Variants in DPP10 observed in about 807,000 individuals in gnomAD.
The protein encoded by DPP10 is inactive dipeptidyl peptidase 10.
In DPP10, 33 loss-of-function variants were observed where a neutral mutation model predicts 120.9. The ratio of observed to expected loss-of-function variants is 0.27; its 90% CI spans 0.21 to 0.37. The LOEUF (loss-of-function observed/expected upper bound fraction) is 0.37, where lower values mean the gene tolerates loss of function less well. DPP10 is among the 10% of genes least tolerant of loss of function. The pLI is 1.00. For synonymous variants in DPP10, 337 were observed against 326.1 expected (o/e 1.03, Z -0.36); for missense variants, 816 against 942.8 (o/e 0.87, Z 1.76).
At chr2:115,207,277 AT>A (rs940459652) in intron 1 of DPP10, among the ~76,000 whole-genome samples, 1 of 152,022 alleles carries the variant, frequency 6.6e-6, no homozygotes, top group Non-Finnish European at 1.5e-5. Flanking sequence ...ACAGAAGAGT[AT>A]TTGTTTTCCT....
chr2:115,763,833 A>G (rs10496504), intron 12 of DPP10, among the ~76,000 whole-genome samples: 40,782 of 152,086 alleles, frequency 0.27, 5,783 homozygotes, highest in Middle Eastern at 0.44. Context: ...TAAAAGGTCC[A>G]CAAGGGATTA....
intron 1 of DPP10, among the ~76,000 whole-genome samples, chr2:114,686,187 A>C (rs1029023798): frequency 6.6e-6 from 1 of 151,904 alleles, no homozygotes; most frequent in African/African-American, 2.4e-5. Flanking sequence ...TGAATTTCCA[A>C]TCCCAGTTCT....
At chr2:115,791,241 C>G in intron 18 of DPP10, 46 bp from the exon 19 acceptor site, 1 of 1,603,494 alleles carries the variant, frequency 6.2e-7, no homozygotes, top group South Asian at 1.1e-5. Context: ...ATAGTTTTAC[C>G]TGCAAATGAC....
At chr2:115,175,206 A>C (rs1033993608) in intron 1 of DPP10, among the ~76,000 whole-genome samples, 7 of 152,184 alleles carry the variant, frequency 4.6e-5, no homozygotes, top group African/African-American at 1.7e-4. Flanking sequence ...GCTCTGAAAA[A>C]TAGCTCTTCT....
At chr2:115,601,728 C>A (rs2083330944) in intron 5 of DPP10, among the ~76,000 whole-genome samples, 1 of 152,096 alleles carries the variant, frequency 6.6e-6, no homozygotes, top group South Asian at 2.1e-4. Flanking sequence ...GGCTGGAGTG[C>A]AGTGGCACGA....
At chr2:115,029,142 C>CT (rs1195168258) in intron 1 of DPP10, among the ~76,000 whole-genome samples, 1 of 151,642 alleles carries the variant, frequency 6.6e-6, no homozygotes, top group Non-Finnish European at 1.5e-5. Flanking sequence ...TCTTTTCTTC[C>CT]TTTTTTTACG....
chr2:115,369,227 A>G (rs1384509264), intron 3 of DPP10, among the ~76,000 whole-genome samples: 1 of 152,102 alleles, frequency 6.6e-6, no homozygotes, highest in Non-Finnish European at 1.5e-5. Context: ...AAATAAATCA[A>G]TAACACACAC....
chr2:115,700,403 C>G (rs2091835081), intron 7 of DPP10, among the ~76,000 whole-genome samples: 1 of 151,066 alleles, frequency 6.6e-6, no homozygotes. Context: ...TAAAAAAAAA[C>G]AACAAACTAG....
At chr2:114,450,518 A>G (rs959381343) in intron 1 of DPP10, among the ~76,000 whole-genome samples, 5 of 152,148 alleles carry the variant, frequency 3.3e-5, no homozygotes, top group Non-Finnish European at 7.4e-5. Context: ...AAAGAACAAA[A>G]AGAACAAAGA....
chr2:114,604,335 T>G (rs1482682582), intron 1 of DPP10, among the ~76,000 whole-genome samples: 3 of 152,060 alleles, frequency 2.0e-5, no homozygotes, highest in Non-Finnish European at 4.4e-5. Context: ...GATAGCAGTC[T>G]CAGGCCTTCT....
chr2:115,075,463 G>A (rs1707711159), intron 1 of DPP10, among the ~76,000 whole-genome samples: 1 of 152,168 alleles, frequency 6.6e-6, no homozygotes, highest in Non-Finnish European at 1.5e-5. Context: ...GGCCATGTCA[G>A]TTTCAAACCC....
intron 1 of DPP10, among the ~76,000 whole-genome samples, chr2:114,453,821 T>A (rs1336148687): frequency 6.6e-6 from 1 of 152,248 alleles, no homozygotes; most frequent in African/African-American, 2.4e-5. Context: ...GCCTTTTAAA[T>A]TGTGTGTTCT....
intron 1 of DPP10, among the ~76,000 whole-genome samples, chr2:114,843,746 G>T (rs2106458948): frequency 6.6e-6 from 1 of 152,036 alleles, no homozygotes; most frequent in South Asian, 2.1e-4. Flanking sequence ...AATCCCTTCT[G>T]CCTCCTCAAT....
chr2:114,932,156 A>G (rs1454940921), intron 1 of DPP10, among the ~76,000 whole-genome samples: 1 of 152,244 alleles, frequency 6.6e-6, no homozygotes, highest in Non-Finnish European at 1.5e-5. Flanking sequence ...GACCTACTGA[A>G]TTAGAAACTA....
intron 5 of DPP10, among the ~76,000 whole-genome samples, chr2:115,614,445 G>A (rs998651625): frequency 1.3e-5 from 2 of 151,884 alleles, no homozygotes; most frequent in Admixed American, 1.3e-4. Flanking sequence ...TTGGTTTTTG[G>A]GACTGAGTCT....
chr2:114,480,358 A>G (rs560815308), intron 1 of DPP10, among the ~76,000 whole-genome samples: 1 of 152,108 alleles, frequency 6.6e-6, no homozygotes, highest in South Asian at 2.1e-4. Context: ...GTTACTGGGT[A>G]TATACCCAAA....
intron 1 of DPP10, among the ~76,000 whole-genome samples, chr2:114,573,742 G>A (rs1311907161): frequency 6.6e-6 from 1 of 152,168 alleles, no homozygotes; most frequent in Admixed American, 6.5e-5. Flanking sequence ...ACATATGGAA[G>A]AAATGCAATA....
chr2:114,708,534 T>A (rs1700823824), intron 1 of DPP10, among the ~76,000 whole-genome samples: 1 of 152,092 alleles, frequency 6.6e-6, no homozygotes, highest in Admixed American at 6.6e-5. Flanking sequence ...ATTGACACTA[T>A]AGACAGAAAA....
intron 1 of DPP10, among the ~76,000 whole-genome samples, chr2:114,495,400 G>C (rs1344676226): frequency 6.6e-6 from 1 of 151,280 alleles, no homozygotes; most frequent in East Asian, 1.9e-4. Flanking sequence ...GTGATCACAT[G>C]TTAAGTAAGA....
Sources: gnomAD v4.1 joint callset for allele counts (sites outside exome capture counted in the v4.1 genomes callset) on GRCh38, gnomAD v4.1.1 for gene constraint, MANE v1.5 for transcripts, NCBI Gene and HGNC (gene_info 2026-07-23, HGNC 2026-07-21) for gene names.